Variants in PTPRT observed in about 807,000 individuals in gnomAD.
PTPRT encodes receptor-type tyrosine-protein phosphatase T.
PTPRT carries 56 observed loss-of-function variants against 176.8 expected under a neutral mutation model. The ratio of observed to expected loss-of-function variants is 0.32; its 90% confidence interval spans 0.26 to 0.40. The LOEUF (loss-of-function observed/expected upper bound fraction) is 0.40. Ranked by LOEUF, PTPRT falls within the 10% of genes least tolerant of loss-of-function variation. The pLI is 1.00. For missense variants in PTPRT, 1,540 were observed against 1,908.2 expected (o/e 0.81, Z 3.60); for synonymous variants, 783 against 739.0 (o/e 1.06, Z -0.96).
intron 15 of PTPRT, among the ~76,000 whole-genome samples, chr20:42,232,894 A>G (rs2056165408): frequency 1.3e-5 from 2 of 150,322 alleles, no homozygotes; most frequent in African/African-American, 2.5e-5. Flanking sequence ...TTCAACCTTC[A>G]TCCCTACAAC....
chr20:42,226,283 G>T (rs1371560170), intron 15 of PTPRT, among the ~76,000 whole-genome samples: 2 of 152,188 alleles, frequency 1.3e-5, no homozygotes, highest in African/African-American at 4.8e-5. Flanking sequence ...ATTGTAAAAT[G>T]TAAGTGGTAT....
intron 2 of PTPRT, among the ~76,000 whole-genome samples, chr20:42,853,562 A>G (rs2078511805): frequency 6.6e-6 from 1 of 152,230 alleles, no homozygotes; most frequent in Admixed American, 6.5e-5. Flanking sequence ...TCCTAGCTCA[A>G]GAAAAGAGAG....
intron 16 of PTPRT, among the ~76,000 whole-genome samples, chr20:42,185,531 T>C (rs965077147): frequency 6.6e-6 from 1 of 152,194 alleles, no homozygotes; most frequent in Admixed American, 6.5e-5. Context: ...TTGGCTACAG[T>C]GGGTGATGGC....
chr20:42,400,165 G>T (rs573094164), intron 9 of PTPRT, among the ~76,000 whole-genome samples: 3 of 150,584 alleles, frequency 2.0e-5, no homozygotes, highest in African/African-American at 7.3e-5. Flanking sequence ...TTACTAAAGA[G>T]ACAGCAATGT....
intron 1 of PTPRT, among the ~76,000 whole-genome samples, chr20:43,073,919 T>G (rs1015752018): frequency 6.6e-6 from 1 of 152,062 alleles, no homozygotes; most frequent in Non-Finnish European, 1.5e-5. Flanking sequence ...CCCAGCTAAT[T>G]TTTTAAAATT....
intron 1 of PTPRT, among the ~76,000 whole-genome samples, chr20:43,026,786 T>C (rs1459486133): frequency 1.3e-5 from 2 of 152,212 alleles, no homozygotes; most frequent in African/African-American, 2.4e-5. Flanking sequence ...TCTATTGTTT[T>C]AATTTTTAGC....
intron 7 of PTPRT, among the ~76,000 whole-genome samples, chr20:42,649,819 T>C (rs1466605452): frequency 1.3e-5 from 2 of 151,844 alleles, no homozygotes; most frequent in Non-Finnish European, 1.5e-5. Context: ...TGCATTTGCA[T>C]AGCACTCAAG....
chr20:42,296,547 G>C (rs954913872), intron 12 of PTPRT, among the ~76,000 whole-genome samples: 1 of 151,290 alleles, frequency 6.6e-6, no homozygotes, highest in African/African-American at 2.4e-5. Flanking sequence ...TAAAATAAAA[G>C]AGTAAAGAAA....
chr20:42,800,468 T>C (rs913124527), intron 2 of PTPRT, among the ~76,000 whole-genome samples: 1 of 152,186 alleles, frequency 6.6e-6, no homozygotes, highest in Non-Finnish European at 1.5e-5. Context: ...GCTGGGAACA[T>C]TGTCAGACCC....
At chr20:43,128,356 T>C (rs977645441) in intron 1 of PTPRT, among the ~76,000 whole-genome samples, 9 of 152,270 alleles carry the variant, frequency 5.9e-5, no homozygotes, top group Admixed American at 5.2e-4. Flanking sequence ...CACTCAGTCT[T>C]GTCTTGGACC....
At chr20:42,151,126 ATT>A (rs11468504) in intron 17 of PTPRT, among the ~76,000 whole-genome samples, 1,653 of 143,858 alleles carry the variant, frequency 0.011, 32 homozygotes, top group African/African-American at 0.036. Flanking sequence ...AACATCAAGG[ATT>A]TTTTTTTTTT....
intron 1 of PTPRT, among the ~76,000 whole-genome samples, chr20:42,986,491 C>G (rs558572756): frequency 6.6e-6 from 1 of 152,324 alleles, no homozygotes; most frequent in South Asian, 2.1e-4. Flanking sequence ...GAATCCAACT[C>G]CAGCATTCCC....
chr20:42,904,612 G>A (rs1007936584), intron 1 of PTPRT, among the ~76,000 whole-genome samples: 1 of 152,144 alleles, frequency 6.6e-6, no homozygotes, highest in East Asian at 1.9e-4. Context: ...AGAGAAGGGT[G>A]GGTCCCTGGC....
At chr20:42,766,369 A>G (rs1278766503) in intron 5 of PTPRT, among the ~76,000 whole-genome samples, 2 of 152,202 alleles carry the variant, frequency 1.3e-5, no homozygotes, top group Admixed American at 1.3e-4. Context: ...ACCTGCTTAT[A>G]ATTTTTTACT....
In PTPRT at chr20:42,084,712, C is replaced by A; in HGVS notation, c.4106G>T (p.Gly1369Val). ...RLEKWQEQYD[G>V]REGRTVVHCL... is the part of the protein sequence containing the mutation. ...GTGGACCACAGTACGTCCCTCCCTCCCGTCATACTGCTCCTGCCACTTCTC... is the reference window on the plus strand; with the variant it reads ...GTGGACCACAGTACGTCCCTCCCTCACGTCATACTGCTCCTGCCACTTCTC... The change falls in exon 29 of 31, where the codon GGG becomes GTG. Residue 1369 changes from glycine (G) to valine (V), a missense_variant. Transcript: ENST00000373187. The A allele has an allele frequency of 6.4e-7, 1 of 1,556,074 alleles. No individual in the cohort carries two copies. The highest frequency in any genetic ancestry group is 8.7e-7 in the Non-Finnish European group (1 of 1,146,654).
rs146407327 is a variant in PTPRT at position 43,099,108 on chromosome 20, G to GACAC, written c.88+90534_88+90537dup. Among the ~76,000 whole-genome samples, 25 of 150,960 alleles carry GACAC rather than the reference G, an allele frequency of 1.7e-4. No homozygotes were observed. The East Asian group carries it at 4.9e-3, about 29-fold the overall frequency. ...ACAGCATTCTCACCTCCACCCCCAA[G>GACAC]ACACACACACACACACCCTGGATAT... On this transcript the variant is annotated intron_variant, in intron 1 of 30. Coordinates refer to ENST00000373187, the MANE Select transcript of PTPRT (RefSeq NM_007050.6).
At chr20:42,506,180 T>C (rs1270121553) in intron 7 of PTPRT, among the ~76,000 whole-genome samples, 3 of 152,202 alleles carry the variant, frequency 2.0e-5, no homozygotes, top group Admixed American at 6.5e-5. Context: ...GTATATGTAA[T>C]GTACATATAA....
chr20:43,049,734 C>A (rs949795336), intron 1 of PTPRT, among the ~76,000 whole-genome samples: 1 of 152,152 alleles, frequency 6.6e-6, no homozygotes, highest in Non-Finnish European at 1.5e-5. Context: ...TTCCTGGGGG[C>A]AACTGGCATC....
chr20:42,912,850 A>G (rs528630050), intron 1 of PTPRT, among the ~76,000 whole-genome samples: 1 of 152,302 alleles, frequency 6.6e-6, no homozygotes, highest in East Asian at 1.9e-4. Flanking sequence ...TGAGCTTTCT[A>G]TTCTGTTCCA....
Sources: gnomAD v4.1 joint callset for allele counts (sites outside exome capture counted in the v4.1 genomes callset) on GRCh38, gnomAD v4.1.1 for gene constraint, MANE v1.5 for transcripts, NCBI Gene and HGNC (gene_info 2026-07-23, HGNC 2026-07-21) for gene names.